Variants in TLR7 observed in about 807,000 individuals in gnomAD.
TLR7 encodes toll-like receptor 7.
In TLR7, 12 loss-of-function variants were observed where a neutral mutation model predicts 38.3. That is an observed-to-expected ratio of 0.31 (90% CI 0.20 to 0.51). TLR7 has a LOEUF of 0.51. Ranked by LOEUF, TLR7 falls within the 20% of genes least tolerant of loss-of-function variation. The pLI is 0.98. For synonymous variants in TLR7, 285 were observed against 293.8 expected (o/e 0.97, Z 0.31); for missense variants, 504 against 743.4 (o/e 0.68, Z 3.74).
At chrX:12,877,977 G>A (rs1163961227) in intron 2 of TLR7, among the ~76,000 whole-genome samples, 1 of 111,686 alleles carries the variant, frequency 9.0e-6, no homozygotes, top group Non-Finnish European at 1.9e-5. Context: ...ACTATGTGGC[G>A]GGCATCCTAA....
chrX:12,876,384 A>G (rs777294329), intron 2 of TLR7, among the ~76,000 whole-genome samples: 2 of 112,729 alleles, frequency 1.8e-5, no homozygotes, highest in African/African-American at 3.2e-5. Flanking sequence ...AAAGGAAATT[A>G]ATCAAAATGC....
chrX:12,880,380 C>T (rs749353840), intron 2 of TLR7, among the ~76,000 whole-genome samples: 3 of 112,110 alleles, frequency 2.7e-5, no homozygotes, highest in Admixed American at 1.9e-4. Flanking sequence ...ACCCTCCACC[C>T]AGAGTGCTTT....
chrX:12,881,437 C>G (rs1370061421), intron 2 of TLR7, among the ~76,000 whole-genome samples: 4 of 105,323 alleles, frequency 3.8e-5, no homozygotes, highest in African/African-American at 1.0e-4. Flanking sequence ...GTCATTTATT[C>G]TTTTTAATAA....
At chrX:12,871,479 C>T (rs5743732) in intron 2 of TLR7, among the ~76,000 whole-genome samples, 1,542 of 112,023 alleles carry the variant, frequency 0.014, 21 homozygotes, top group African/African-American at 0.046. Context: ...CCATTGCTTA[C>T]TTCTTCCATG....
chrX:12,869,137 C>A (rs996054338), intron 2 of TLR7, among the ~76,000 whole-genome samples: 1 of 111,649 alleles, frequency 9.0e-6, no homozygotes, highest in African/African-American at 3.3e-5. Flanking sequence ...GCCCAGCACA[C>A]ACGCAATAAA....
At chrX:12,870,547 C>T (rs1210105901) in intron 2 of TLR7, among the ~76,000 whole-genome samples, 1 of 111,299 alleles carries the variant, frequency 9.0e-6, no homozygotes, top group Non-Finnish European at 1.9e-5. Flanking sequence ...ACCTCTGCAC[C>T]CCAAGAATAA....
chrX:12,885,440 G>C (rs2042906605), intron 2 of TLR7, 72 bp from the exon 3 acceptor site: 1 of 982,489 alleles, frequency 1.0e-6, no homozygotes, highest in Non-Finnish European at 1.4e-6. Flanking sequence ...AAGAGAGGCA[G>C]CAAATGGGAA....
chrX:12,875,950 C>A (rs931462871), intron 2 of TLR7, among the ~76,000 whole-genome samples: 2 of 106,301 alleles, frequency 1.9e-5, no homozygotes, highest in African/African-American at 3.5e-5. Context: ...AAAACATAAA[C>A]ACACCATTTT....
At chrX:12,875,726 T>C (rs1159315159) in intron 2 of TLR7, among the ~76,000 whole-genome samples, 1 of 111,688 alleles carries the variant, frequency 9.0e-6, no homozygotes, top group Non-Finnish European at 1.9e-5. Context: ...GTAATTTTGC[T>C]CCTCCTTCAC....
chrX:12,875,237 C>T (rs1377255897), intron 2 of TLR7, among the ~76,000 whole-genome samples: 1 of 111,693 alleles, frequency 9.0e-6, no homozygotes, highest in Non-Finnish European at 1.9e-5. Context: ...TCCCTGACAG[C>T]AGAGAGAGAG....
chrX:12,886,523 C>T lies in TLR7; in HGVS notation c.1015C>T (p.Leu339Phe). 8.3e-7 allele frequency: 1 copy of T among 1,211,803 alleles called. No individual in the cohort carries two copies. Among genetic ancestry groups the T allele is most frequent in the East Asian group, 3.0e-5 (1 of 33,862 alleles). ...TGGGGATGCTAAATTTCTGCATTTT[C>T]TCCCCAGCCTCATCCAATTGGATCT... is the stretch of plus-strand genomic sequence containing the variant. ...EIGDAKFLHF[L>F]PSLIQLDLSF... is the part of the protein sequence containing the mutation. The change falls in exon 3 of 3, where the codon CTC becomes TTC. Residue 339 changes from leucine (L) to phenylalanine (F), a missense_variant. By Grantham distance (22) the Leu-to-Phe change is conservative. Transcript: ENST00000380659.
chrX:12,876,454 G>T (rs2042871030), intron 2 of TLR7, among the ~76,000 whole-genome samples: 1 of 112,059 alleles, frequency 8.9e-6, no homozygotes, highest in Non-Finnish European at 1.9e-5. Context: ...GAATAGAATT[G>T]GTCAACAATG....
In TLR7 at chrX:12,886,300, T is replaced by C; in HGVS notation, c.792T>C (p.Tyr264=). The change falls in exon 3 of 3, where the codon TAT becomes TAC. Residue 264 remains tyrosine, a synonymous_variant. Coordinates refer to ENST00000380659, the MANE Select transcript of TLR7 (RefSeq NM_016562.4). ...TAAGTGGAAATTGCCCTCGTTGTTA[T>C]AATGCCCCATTTCCTTGTGCGCCGT... is the stretch of plus-strand genomic sequence containing the variant. ...LDLSGNCPRC[Y]NAPFPCAPCK... 1 of 1,211,811 alleles carries C rather than the reference T, an allele frequency of 8.3e-7. No homozygotes were observed. The highest frequency in any genetic ancestry group is 1.1e-6 in the Non-Finnish European group (1 of 895,207).
chrX:12,882,213 A>T (rs749224141), intron 2 of TLR7, among the ~76,000 whole-genome samples: 1 of 111,768 alleles, frequency 8.9e-6, no homozygotes, highest in African/African-American at 3.3e-5. Context: ...AATGGTAGAG[A>T]CTTTGGATTT....
At chrX:12,885,198 T>C (rs1028475033) in intron 2 of TLR7, among the ~76,000 whole-genome samples, 2 of 112,561 alleles carry the variant, frequency 1.8e-5, no homozygotes, top group East Asian at 5.5e-4. Flanking sequence ...TTTCAGACTT[T>C]GGCAGTGAAT....
In TLR7 at chrX:12,887,135, G is replaced by A. The variant is rs1457887286; in HGVS notation, c.1627G>A (p.Glu543Lys). ...LNGSEFQPLAELRYLDFSNNR... is the reference protein window; with the variant it reads ...LNGSEFQPLAKLRYLDFSNNR... ...TGGCAGTGAATTCCAACCTTTAGCA[G>A]AGCTGAGATATTTGGACTTCTCCAA... The change falls in exon 3 of 3, where the codon GAG (glutamate) becomes AAG (lysine). Residue 543 changes from glutamate to lysine, a missense_variant. Physicochemically the swap from Glu to Lys is moderately conservative, Grantham distance 56. Coordinates refer to ENST00000380659, the MANE Select transcript of TLR7 (RefSeq NM_016562.4). 1.7e-6 allele frequency: 2 copies of A among 1,211,635 alleles called. No individual in the cohort carries two copies.
chrX:12,871,870 A>G (rs1334847037), intron 2 of TLR7, among the ~76,000 whole-genome samples: 1 of 111,733 alleles, frequency 8.9e-6, no homozygotes, highest in Non-Finnish European at 1.9e-5. Flanking sequence ...CCAGGCCTCA[A>G]ATAGTCTCAT....
rs5743716 is a variant in TLR7, at chrX:12,867,317, A to C, written c.-98-164A>C. Among the ~76,000 whole-genome samples, 826 of 112,505 alleles carry C rather than the reference A, an allele frequency of 7.3e-3. 9 individuals carry two copies. The highest frequency in any genetic ancestry group is 0.025 in the African/African-American group (771 of 30,985). ...AAGTTAGGCTTTCAGTAACGTTAGA[A>C]ATGGTTTTCTGGAATATGTCTCCAG... is the stretch of plus-strand genomic sequence containing the variant. On this transcript the variant is annotated intron_variant, in intron 1 of 2. Transcript: ENST00000380659.
At chrX:12,872,954 C>T (rs2042858303) in intron 2 of TLR7, among the ~76,000 whole-genome samples, 1 of 110,787 alleles carries the variant, frequency 9.0e-6, no homozygotes, top group Admixed American at 9.7e-5. Context: ...AATGCATCTG[C>T]ATTCCACCCA....
Sources: gnomAD v4.1 joint callset for allele counts (sites outside exome capture counted in the v4.1 genomes callset) on GRCh38, gnomAD v4.1.1 for gene constraint, MANE v1.5 for transcripts, NCBI Gene and HGNC (gene_info 2026-07-23, HGNC 2026-07-21) for gene names.